OR52A1: variants seen among roughly 807,000 people sequenced by gnomAD.
OR52A1 encodes olfactory receptor family 52 subfamily A member 1.
Under a neutral mutation model 14.3 loss-of-function variants are expected in OR52A1, and 14 were observed. The observed-to-expected ratio is 0.98, with a 90% CI of 0.65 to 1.54. The LOEUF (loss-of-function observed/expected upper bound fraction) is 1.54, where lower values mean the gene tolerates loss of function less well. Ranked by LOEUF, OR52A1 falls within the 40% of genes most tolerant of loss-of-function variation. OR52A1 has a pLI of 0.00. For synonymous variants in OR52A1, 151 were observed against 135.3 expected (o/e 1.12, Z -0.80); for missense variants, 405 against 381.3 (o/e 1.06, Z -0.52).
Position 5,152,432 on chromosome 11 carries a change from TCTGCTTTCTGATTTTCTCCAAA to T in OR52A1, c.-85_-64del. On this transcript the variant is annotated 5_prime_UTR_variant, in exon 2 of 2. It removes the in-frame stop codon of an upstream open reading frame in the 5' UTR. Coordinates refer to ENST00000380367, the MANE Select transcript of OR52A1 (RefSeq NM_012375.3). Reference sequence around the variant, plus strand: ...TCTCAGTCAGTGTTACTGTTCCTCTTCTGCTTTCTGATTTTCTCCAAACTCATTATATTGAGTCTGTCTGATT... The same window carrying T: ...TCTCAGTCAGTGTTACTGTTCCTCTTCTCATTATATTGAGTCTGTCTGATT... 1.7e-6 allele frequency: 2 copies of T among 1,182,672 alleles called. No individual in the cohort carries two copies. Among genetic ancestry groups the T allele is most frequent in the East Asian group, 4.8e-5 (2 of 41,326 alleles). 73.3% of individuals were successfully genotyped at this position (1,182,672 alleles called of 1,614,324 possible).
Position 5,151,712 on chromosome 11 carries a change from A to G in OR52A1, c.658T>C (p.Ser220Pro), listed in dbSNP as rs929437122. 2 of 1,614,068 alleles carry G rather than the reference A, an allele frequency of 1.2e-6. No homozygotes were observed. The highest frequency in any genetic ancestry group is 1.7e-6 in the Non-Finnish European group (2 of 1,180,018). Residue 220 changes from serine (S) to proline (P), a missense_variant, in exon 2 of 2, where the codon TCC becomes CCC. Physicochemically the swap from Ser to Pro is moderately conservative, Grantham distance 74. Transcript: ENST00000380367. ...AGFDLTFITL[S>P]YIQIFITVFR... ...ACTGTGATAAATATCTGGATGTAGG[A>G]CAATGTGATGAATGTGAGGTCAAAT...
rs1049011887 is a variant in OR52A1 at position 5,147,136 on chromosome 11, C to T, written c.*4295G>A. The stretch of plus-strand genomic sequence containing the variant: ...TGAGATCAGCACATCAATGGTTGAA[C>T]GTGGATGAATTCCTACAAGCTTTAT... On this transcript the variant is annotated 3_prime_UTR_variant, in exon 2 of 2. Coordinates refer to ENST00000380367, the MANE Select transcript of OR52A1 (RefSeq NM_012375.3). The T allele has an allele frequency of 1.3e-5, 2 of 152,052 alleles. No individual in the cohort carries two copies. Among genetic ancestry groups the T allele is most frequent in the Non-Finnish European group, 2.9e-5 (2 of 68,020 alleles). 9.4% of individuals were successfully genotyped at this position (152,052 alleles called of 1,614,324 possible). A position where few individuals can be genotyped will look rare whatever the true frequency, so the allele number is the denominator to read the frequency against.
At position 5,150,959 on chromosome 11, in the gene OR52A1, T is replaced by C. The variant is rs1052346282; in HGVS notation, c.*472A>G. On this transcript the variant is annotated 3_prime_UTR_variant, in exon 2 of 2. Transcript: ENST00000380367. ...TAAATTTTTAGGCTTTATTGTCTCTTGATATTCATAAGATTTTCTTTGACA... is the reference window on the plus strand; with the variant it reads ...TAAATTTTTAGGCTTTATTGTCTCTCGATATTCATAAGATTTTCTTTGACA... 2 of 152,566 alleles carry C rather than the reference T, an allele frequency of 1.3e-5. No individual in the cohort carries two copies. The highest frequency in any genetic ancestry group is 4.8e-5 in the African/African-American group (2 of 41,454). 9.5% of individuals were successfully genotyped at this position (152,566 alleles called of 1,614,324 possible).
At position 5,151,847 on chromosome 11, in the gene OR52A1, T is replaced by C. The variant is rs1846546732; in HGVS notation, c.523A>G (p.Thr175Ala). The change falls in exon 2 of 2, where the codon ACA becomes GCA. Residue 175 changes from threonine to alanine, a missense_variant. Coordinates refer to ENST00000380367, the MANE Select transcript of OR52A1 (RefSeq NM_012375.3). ...TCACAGTAGGAGTGGGAGATGACTG[T>C]TGTGTGATAAAATTGAAACCGGCAC... is the stretch of plus-strand genomic sequence containing the variant. ...IKCRFQFYHTTVISHSYCEHM... is the reference protein window; with the variant it reads ...IKCRFQFYHTAVISHSYCEHM... The C allele has an allele frequency of 1.2e-6, 2 of 1,614,042 alleles. No homozygotes were observed. The highest frequency in any genetic ancestry group is 1.7e-6 in the Non-Finnish European group (2 of 1,180,024).
In OR52A1 at chr11:5,151,309, A is replaced by T. The variant is rs1439201461; in HGVS notation, c.*122T>A. 1.3e-6 allele frequency: 1 copy of T among 776,426 alleles called. No individual in the cohort carries two copies. The highest frequency in any genetic ancestry group is 2.4e-5 in the Admixed American group (1 of 42,206). The allele number at this position is 776,426 out of a possible 1,614,324, so 48.1% of individuals were successfully genotyped here. ...TTGATATGAGCCATGATGATCTAAAACCAGCTATTGTGCTGGCAGATTTCA... is the reference window on the plus strand; with the variant it reads ...TTGATATGAGCCATGATGATCTAAATCCAGCTATTGTGCTGGCAGATTTCA... On this transcript the variant is annotated 3_prime_UTR_variant, in exon 2 of 2. Coordinates refer to ENST00000380367, the MANE Select transcript of OR52A1 (RefSeq NM_012375.3).
chr11:5,154,114 T>C (rs1846581485), intron 1 of OR52A1, among the ~76,000 whole-genome samples: 1 of 152,144 alleles, frequency 6.6e-6, no homozygotes, highest in Non-Finnish European at 1.5e-5. Flanking sequence ...CTTTTTCTAA[T>C]AGGGGCAAAT....
Position 5,151,833 on chromosome 11 carries a change from G to A in OR52A1, c.537C>T (p.His179=), listed in dbSNP as rs759300409. 1.9e-6 allele frequency: 3 copies of A among 1,614,184 alleles called. No homozygotes were observed. Among genetic ancestry groups the A allele is most frequent in the Non-Finnish European group, 2.5e-6 (3 of 1,180,022 alleles). Residue 179 remains histidine (H), a synonymous_variant, in exon 2 of 2, where the codon CAC becomes CAT. Coordinates refer to ENST00000380367, the MANE Select transcript of OR52A1 (RefSeq NM_012375.3). ...CAATGGCCATATGCTCACAGTAGGA[G>A]TGGGAGATGACTGTTGTGTGATAAA... ...FQFYHTTVIS[H]SYCEHMAIVK... is the part of the protein sequence containing the mutation.
chr11:5,148,203 G>C lies in OR52A1; in HGVS notation c.*3228C>G, dbSNP rs1273750877. 1 of 149,068 alleles carries C rather than the reference G, an allele frequency of 6.7e-6. No individual in the cohort carries two copies. Among genetic ancestry groups the C allele is most frequent in the South Asian group, 2.1e-4 (1 of 4,702 alleles). 9.2% of individuals were successfully genotyped at this position (149,068 alleles called of 1,614,324 possible). On this transcript the variant is annotated 3_prime_UTR_variant, in exon 2 of 2. Coordinates refer to ENST00000380367, the MANE Select transcript of OR52A1 (RefSeq NM_012375.3). The stretch of plus-strand genomic sequence containing the variant: ...ACATTTAAATGAAGGGCTGCAAAAA[G>C]CTAGAAGGTTCAGTTCCTGAAATCT...
chr11:5,153,385 T>C (rs1029202688), intron 1 of OR52A1, among the ~76,000 whole-genome samples: 21 of 152,216 alleles, frequency 1.4e-4, no homozygotes, highest in Middle Eastern at 3.4e-3. Context: ...CATAAGAAAT[T>C]AGTAAAAATA....
At chr11:5,153,983 G>C (rs1846579747) in intron 1 of OR52A1, among the ~76,000 whole-genome samples, 1 of 152,140 alleles carries the variant, frequency 6.6e-6, no homozygotes, top group Non-Finnish European at 1.5e-5. Flanking sequence ...TTTCATGACA[G>C]GGAGGCTGTA....
rs1224735877 is a variant in OR52A1 at position 5,148,204 on chromosome 11, C to G, written c.*3227G>C. On this transcript the variant is annotated 3_prime_UTR_variant, in exon 2 of 2. Coordinates refer to ENST00000380367, the MANE Select transcript of OR52A1 (RefSeq NM_012375.3). ...CATTTAAATGAAGGGCTGCAAAAAG[C>G]TAGAAGGTTCAGTTCCTGAAATCTT... The G allele has an allele frequency of 1.4e-5, 2 of 148,036 alleles. No homozygotes were observed. Among genetic ancestry groups the G allele is most frequent in the Admixed American group, 7.0e-5 (1 of 14,384 alleles). 9.2% of individuals were successfully genotyped at this position (148,036 alleles called of 1,614,324 possible). A position where few individuals can be genotyped will look rare whatever the true frequency, so the allele number is the denominator to read the frequency against.
rs567909982 is a variant in OR52A1 at position 5,148,272 on chromosome 11, C to A, written c.*3159G>T. ...ACGGTGTCTCACTATGTCACCCAGG[C>A]TGGAGTGCAGTGGCACCATCTCGGG... On this transcript the variant is annotated 3_prime_UTR_variant, in exon 2 of 2. Transcript: ENST00000380367. 2.7e-5 allele frequency: 4 copies of A among 148,052 alleles called. No individual in the cohort carries two copies. The East Asian group carries it at 8.0e-4, about 29-fold the overall frequency. The allele number at this position is 148,052 out of a possible 1,614,324, so 9.2% of individuals were successfully genotyped here. A position where few individuals can be genotyped will look rare whatever the true frequency, so the allele number is the denominator to read the frequency against.
Position 5,149,977 on chromosome 11 carries a change from C to T in OR52A1, c.*1454G>A, listed in dbSNP as rs1241290875. On this transcript the variant is annotated 3_prime_UTR_variant, in exon 2 of 2. Transcript: ENST00000380367. ...GTGTATGACAAGCAATCCAATATTTCTTATATTTGCAGTGGTTTTAATCTG... is the reference window on the plus strand; with the variant it reads ...GTGTATGACAAGCAATCCAATATTTTTTATATTTGCAGTGGTTTTAATCTG... 1.3e-5 allele frequency: 2 copies of T among 152,068 alleles called. No individual in the cohort carries two copies. Among genetic ancestry groups the T allele is most frequent in the South Asian group, 2.1e-4 (1 of 4,820 alleles). The allele number at this position is 152,068 out of a possible 1,614,324, so 9.4% of individuals were successfully genotyped here. A position where few individuals can be genotyped will look rare whatever the true frequency, so the allele number is the denominator to read the frequency against.
In OR52A1 at chr11:5,152,458, A is replaced by G. The variant is rs1846560199; in HGVS notation, c.-89T>C. 1.1e-6 allele frequency: 1 copy of G among 884,952 alleles called. No homozygotes were observed. Among genetic ancestry groups the G allele is most frequent in the South Asian group, 1.8e-5 (1 of 54,704 alleles). The allele number at this position is 884,952 out of a possible 1,614,324, so 54.8% of individuals were successfully genotyped here. On this transcript the variant is annotated 5_prime_UTR_variant, in exon 2 of 2. An upstream start codon of the reference 5' UTR is lost. Transcript: ENST00000380367. ...CTGCTTTCTGATTTTCTCCAAACTCATTATATTGAGTCTGTCTGATTTGGG... is the reference window on the plus strand; with the variant it reads ...CTGCTTTCTGATTTTCTCCAAACTCGTTATATTGAGTCTGTCTGATTTGGG...
chr11:5,151,382 G>A lies in OR52A1; in HGVS notation c.*49C>T, dbSNP rs1317845589. The A allele has an allele frequency of 1.4e-6, 2 of 1,435,600 alleles. No individual in the cohort carries two copies. Among genetic ancestry groups the A allele is most frequent in the African/African-American group, 2.8e-5 (2 of 70,314 alleles). 88.9% of individuals were successfully genotyped at this position (1,435,600 alleles called of 1,614,324 possible). On this transcript the variant is annotated 3_prime_UTR_variant, in exon 2 of 2. Transcript: ENST00000380367. ...ATGTTTTTTGTTTTGTTTTGATATG[G>A]TTACTACTGCAAAAGAAAAAAGCAT...
At position 5,150,739 on chromosome 11, in the gene OR52A1, G is replaced by T. The variant is rs574694787; in HGVS notation, c.*692C>A. 5.3e-5 allele frequency: 8 copies of T among 151,912 alleles called. No individual in the cohort carries two copies. The highest frequency in any genetic ancestry group is 1.9e-4 in the African/African-American group (8 of 41,438). The allele number at this position is 151,912 out of a possible 1,614,324, so 9.4% of individuals were successfully genotyped here. On this transcript the variant is annotated 3_prime_UTR_variant, in exon 2 of 2. Transcript: ENST00000380367. Reference sequence around the variant, plus strand: ...CAAACTCATGAGAATTATTCACTGTGCCAGATTTACTATTATGTCACGATT... The same window carrying T: ...CAAACTCATGAGAATTATTCACTGTTCCAGATTTACTATTATGTCACGATT...
chr11:5,151,862 G>A lies in OR52A1; in HGVS notation c.508C>T (p.Gln170Ter). 2.5e-6 allele frequency: 4 copies of A among 1,614,136 alleles called. No individual in the cohort carries two copies. Among genetic ancestry groups the A allele is most frequent in the Non-Finnish European group, 2.5e-6 (3 of 1,180,022 alleles). The change falls in exon 2 of 2, where the codon CAA (glutamine) becomes TAA (stop). Residue 170 changes from glutamine (Q) to a stop codon, truncating the protein, a stop_gained. Transcript: ENST00000380367. LOFTEE classifies it high-confidence loss of function. ...PCLVLIKCRF[Q>*]FYHTTVISHS... ...GAGATGACTGTTGTGTGATAAAATT[G>A]AAACCGGCACTTTATCAGTACTAGG... is the stretch of plus-strand genomic sequence containing the variant.
chr11:5,154,044 T>TGG (rs1846580579), intron 1 of OR52A1, among the ~76,000 whole-genome samples: 4 of 152,294 alleles, frequency 2.6e-5, no homozygotes, highest in Admixed American at 6.5e-5. Context: ...AATACTTTGA[T>TGG]TTCCACAGAT....
Position 5,147,239 on chromosome 11 carries a change from T to G in OR52A1, c.*4192A>C, listed in dbSNP as rs1377192368. ...GGTGTGGGGAGGTGCTGTACTTACC[T>G]GCTCTCTGCCTTGGTTTTTTCACAC... On this transcript the variant is annotated 3_prime_UTR_variant, in exon 2 of 2. Coordinates refer to ENST00000380367, the MANE Select transcript of OR52A1 (RefSeq NM_012375.3). 2 of 152,262 alleles carry G rather than the reference T, an allele frequency of 1.3e-5. No homozygotes were observed. The highest frequency in any genetic ancestry group is 2.9e-5 in the Non-Finnish European group (2 of 68,072). 9.4% of individuals were successfully genotyped at this position (152,262 alleles called of 1,614,324 possible).
Sources: allele counts gnomAD v4.1 joint callset (sites outside exome capture counted in the v4.1 genomes callset), GRCh38; gene constraint gnomAD v4.1.1; transcripts MANE v1.5; gene names NCBI Gene and HGNC (gene_info 2026-07-23, HGNC 2026-07-21).